The following SCAPER variants were observed in gnomAD, a reference collection of about 807,000 sequenced individuals.
SCAPER encodes the protein S phase cyclin A-associated protein in the endoplasmic reticulum.
In SCAPER, 98 loss-of-function variants were observed where a neutral mutation model predicts 182.2. The observed-to-expected ratio is 0.54, with a 90% confidence interval of 0.46 to 0.64. SCAPER has a LOEUF of 0.64. Among genes scored for constraint, SCAPER ranks in the 30% least tolerant of loss-of-function variants. SCAPER has a pLI of 0.00. For synonymous variants in SCAPER, 605 were observed against 564.6 expected, an observed-to-expected ratio of 1.07 and a Z score of -1.01; for missense variants, 1,432 against 1,690.0, an observed-to-expected ratio of 0.85 and a Z score of 2.68.
intron 8 of SCAPER, among the ~76,000 whole-genome samples, chr15:76,789,285 A>G (rs1241172319): frequency 6.6e-6 from 1 of 152,156 alleles, no homozygotes; most frequent in African/African-American, 2.4e-5. Flanking sequence ...CACACATACC[A>G]AGAGGAAAAA....
chr15:76,521,562 G>A (rs2042840974), intron 23 of SCAPER, among the ~76,000 whole-genome samples: 1 of 152,066 alleles, frequency 6.6e-6, no homozygotes, highest in Non-Finnish European at 1.5e-5. Context: ...ATCCATTTGT[G>A]TCCCTGATGT....
In SCAPER at chr15:76,621,849, T is replaced by C. The variant is rs769037102; in HGVS notation, c.2646-20A>G. 5 of 1,558,188 alleles carry C rather than the reference T, an allele frequency of 3.2e-6. No homozygotes were observed. Among genetic ancestry groups the C allele is most frequent in the Non-Finnish European group, 3.5e-6 (4 of 1,143,664 alleles). ...TTAGCCCTGAAGAGAAAAAAAGTTT[T>C]AACACAGTTATTTCACTGCTAATTT... is the stretch of plus-strand genomic sequence containing the variant. On this transcript the variant is annotated intron_variant, in intron 21 of 31. Transcript: ENST00000563290.
intron 17 of SCAPER, among the ~76,000 whole-genome samples, chr15:76,721,243 C>CG (rs1475274255): frequency 1.1e-4 from 17 of 152,002 alleles, no homozygotes; most frequent in Non-Finnish European, 1.5e-4. Context: ...TGTAGATATG[C>CG]GGCATTATTT....
rs11856365 is a variant in SCAPER at position 76,623,870 on chromosome 15, A to G, written c.2646-2041T>C. 1.0e-2 allele frequency among the ~76,000 whole-genome samples: 1,516 copies of G among 152,194 alleles called. 18 individuals carry two copies. The highest frequency in any genetic ancestry group is 0.035 in the African/African-American group (1,440 of 41,490). ...AAAATCCAACATCCCTTCATGATAA[A>G]AAACCCTCAACAGACTAGAATTGAA... On this transcript the variant is annotated intron_variant, in intron 21 of 31. Transcript: ENST00000563290.
chr15:76,647,646 G>A (rs1394031763), intron 21 of SCAPER, among the ~76,000 whole-genome samples: 1 of 152,198 alleles, frequency 6.6e-6, no homozygotes, highest in African/African-American at 2.4e-5. Context: ...AGGCCCCACT[G>A]AGTCTCTGGC....
intron 25 of SCAPER, among the ~76,000 whole-genome samples, chr15:76,464,553 T>C (rs2049445562): frequency 6.6e-6 from 1 of 152,020 alleles, no homozygotes; most frequent in Admixed American, 6.6e-5. Context: ...CATGTTTGGT[T>C]GAAAAAAAAA....
rs2057705208 is a variant in SCAPER, at chr15:76,681,580, C to T, written c.2509-15791G>A. On this transcript the variant is annotated intron_variant, in intron 20 of 31. Transcript: ENST00000563290. ...AGCGAGAGTGAACAGAAGCAGAATG[C>T]AGATGCTGGGATGAAGAGGGAGGAA... 2.6e-5 allele frequency among the ~76,000 whole-genome samples: 4 copies of T among 152,186 alleles called. No homozygotes were observed. The South Asian group carries it at 8.3e-4, about 32-fold the overall frequency.
chr15:76,398,603 T>A (rs1245760941), intron 27 of SCAPER, among the ~76,000 whole-genome samples: 1 of 152,236 alleles, frequency 6.6e-6, no homozygotes, highest in Non-Finnish European at 1.5e-5. Flanking sequence ...AGCCACATAA[T>A]AAATAGACTA....
chr15:76,636,522 A>C (rs1357672850), intron 21 of SCAPER, among the ~76,000 whole-genome samples: 1 of 152,150 alleles, frequency 6.6e-6, no homozygotes, highest in African/African-American at 2.4e-5. Context: ...GTTAGGTAAA[A>C]ATAAAAACAA....
chr15:76,570,092 A>G (rs148404712), intron 23 of SCAPER, among the ~76,000 whole-genome samples: 3 of 152,186 alleles, frequency 2.0e-5, no homozygotes, highest in Non-Finnish European at 2.9e-5. Context: ...AAATTTTCCA[A>G]TTGCTTCTGT....
intron 22 of SCAPER, among the ~76,000 whole-genome samples, chr15:76,620,037 C>T (rs1410488651): frequency 1.3e-5 from 2 of 152,150 alleles, no homozygotes; most frequent in Non-Finnish European, 2.9e-5. Context: ...GATCATGCCA[C>T]TGCCTTCCAG....
At chr15:76,867,882 G>A (rs1221953896) in intron 2 of SCAPER, among the ~76,000 whole-genome samples, 1 of 152,128 alleles carries the variant, frequency 6.6e-6, no homozygotes, top group East Asian at 1.9e-4. Flanking sequence ...CTGCATGCTA[G>A]AATATAGGGG....
chr15:76,436,193 G>C (rs890185225), intron 25 of SCAPER, among the ~76,000 whole-genome samples: 1 of 152,062 alleles, frequency 6.6e-6, no homozygotes, highest in African/African-American at 2.4e-5. Flanking sequence ...TCAGCCTCCT[G>C]AGTAGCTGGG....
chr15:76,593,277 C>A (rs779888904), intron 22 of SCAPER, among the ~76,000 whole-genome samples: 1 of 121,240 alleles, frequency 8.2e-6, no homozygotes, highest in Non-Finnish European at 2.0e-5. Context: ...CTAGACTCCT[C>A]CTCTCTGGCC....
chr15:76,429,715 AG>A (rs35990555), intron 26 of SCAPER, among the ~76,000 whole-genome samples: 34,298 of 152,118 alleles, frequency 0.23, 4,713 homozygotes, highest in Admixed American at 0.35. Context: ...CAATTTTAAA[AG>A]GGAAACAGCA....
chr15:76,576,366 G>GA (rs997147911), intron 22 of SCAPER, among the ~76,000 whole-genome samples: 2 of 151,894 alleles, frequency 1.3e-5, no homozygotes, highest in African/African-American at 4.8e-5. Flanking sequence ...TCTCTAAAAA[G>GA]AAAAAAACCC....
At chr15:76,688,118 A>C (rs577784996) in intron 20 of SCAPER, among the ~76,000 whole-genome samples, 1 of 152,114 alleles carries the variant, frequency 6.6e-6, no homozygotes, top group African/African-American at 2.4e-5. Context: ...TCCTGACTTT[A>C]ATAATCACCA....
chr15:76,572,006 T>C (rs2047463989), intron 23 of SCAPER, among the ~76,000 whole-genome samples: 1 of 152,178 alleles, frequency 6.6e-6, no homozygotes, highest in Non-Finnish European at 1.5e-5. Context: ...GGTCCTGCAG[T>C]GTATACTCTG....
At chr15:76,732,224 C>A (rs1445156333) in intron 16 of SCAPER, among the ~76,000 whole-genome samples, 1 of 152,066 alleles carries the variant, frequency 6.6e-6, no homozygotes, top group Admixed American at 6.6e-5. Context: ...GCAAGCCACC[C>A]AGGTGCCAAG....
Sources: gnomAD v4.1 joint callset for allele counts (sites outside exome capture counted in the v4.1 genomes callset) on GRCh38, gnomAD v4.1.1 for gene constraint, MANE v1.5 for transcripts, NCBI Gene and HGNC (gene_info 2026-07-23, HGNC 2026-07-21) for gene names.